The following CLVS1 variants were observed in gnomAD, a reference collection of about 807,000 sequenced individuals.
CLVS1 encodes clavesin 1.
In CLVS1, 10 loss-of-function variants were observed where a neutral mutation model predicts 33.1. The ratio of observed to expected loss-of-function variants is 0.30; its 90% confidence interval spans 0.19 to 0.51. CLVS1 has a LOEUF of 0.51. CLVS1 is among the 20% of genes least tolerant of loss of function. The pLI, the probability that CLVS1 is intolerant of heterozygous loss-of-function variation, is 0.97. For missense variants in CLVS1, 343 were observed against 433.4 expected (o/e 0.79, Z 1.85); for synonymous variants, 163 against 166.1 (o/e 0.98, Z 0.14).
At chr8:61,111,332 CTCCAAAAGGAGGAAGAGAA>C (rs1805625239) in intron 1 of CLVS1, among the ~76,000 whole-genome samples, 3 of 152,118 alleles carry the variant, frequency 2.0e-5, no homozygotes, top group Admixed American at 1.3e-4. Context: ...GGTCTTCTTC[CTCCAAAAGGAGGAAGAGAA>C]GGGTGTCATT....
chr8:61,343,153 G>A (rs144556376), intron 2 of CLVS1, among the ~76,000 whole-genome samples: 14 of 152,314 alleles, frequency 9.2e-5, no homozygotes, highest in Admixed American at 3.9e-4. Flanking sequence ...GCATGATTCT[G>A]TTAAAATACA....
chr8:61,105,848 T>C (rs905734606), intron 1 of CLVS1, among the ~76,000 whole-genome samples: 7 of 152,078 alleles, frequency 4.6e-5, no homozygotes, highest in Non-Finnish European at 8.8e-5. Flanking sequence ...AAACTTGTCA[T>C]GGACTGCAAC....
intron 2 of CLVS1, among the ~76,000 whole-genome samples, chr8:61,323,039 G>T (rs145246800): frequency 1.0e-3 from 155 of 152,148 alleles, no homozygotes; most frequent in African/African-American, 3.5e-3. Context: ...TAAGGAACAC[G>T]AACTGTCTCA....
the CLVS1 span, among the ~76,000 whole-genome samples, chr8:60,969,518 G>A: frequency 3.3e-5 from 5 of 152,192 alleles, no homozygotes; most frequent in Admixed American, 6.5e-5. Context: ...TGTCTAAACC[G>A]TAAAAGAAAG....
chr8:61,456,917 C>CAA (rs764079859), intron 4 of CLVS1, among the ~76,000 whole-genome samples: 172 of 124,264 alleles, frequency 1.4e-3, no homozygotes, highest in African/African-American at 4.7e-3. Context: ...GACTCCGTCT[C>CAA]AAAAAAAAAA....
chr8:61,049,645 CCAAAGACACATAGATAGAGGCCG>C, the CLVS1 span, among the ~76,000 whole-genome samples: 1 of 152,188 alleles, frequency 6.6e-6, no homozygotes, highest in African/African-American at 2.4e-5. Context: ...GATAGAAGCC[CCAAAGACACATAGATAGAGGCCG>C]CAAAGACACA....
chr8:61,268,536 A>G (rs1809361261), intron 2 of CLVS1, among the ~76,000 whole-genome samples: 1 of 147,946 alleles, frequency 6.8e-6, no homozygotes, highest in African/African-American at 2.5e-5. Flanking sequence ...ATACCCAGTA[A>G]TGGGATGGCT....
chr8:61,342,478 C>T (rs868088841), intron 2 of CLVS1, among the ~76,000 whole-genome samples: 3 of 152,290 alleles, frequency 2.0e-5, no homozygotes, highest in South Asian at 2.1e-4. Context: ...CTATCTTGCG[C>T]GCCATTCCGC....
chr8:61,249,200 T>G (rs1808882306), intron 2 of CLVS1, among the ~76,000 whole-genome samples: 1 of 152,170 alleles, frequency 6.6e-6, no homozygotes, highest in Non-Finnish European at 1.5e-5. Flanking sequence ...GTTAATTTGC[T>G]GAGAATTATG....
Position 61,096,919 on chromosome 8 carries a change from C to T in CLVS1, c.-242-34851C>T, listed in dbSNP as rs141053507. 2.2e-4 allele frequency among the ~76,000 whole-genome samples: 33 copies of T among 152,238 alleles called. 2 individuals carry two copies. In the East Asian group the frequency reaches 5.8e-3, roughly 27 times the overall value. ...TCACTGTTGTCCTCTCCACTAGCAT[C>T]GTATTGTTTTTCAGCATCTGTAGCA... On this transcript the variant is annotated intron_variant, in intron 1 of 2. Transcript: ENST00000522621.
intron 2 of CLVS1, among the ~76,000 whole-genome samples, chr8:61,235,322 G>A (rs1808532821): frequency 6.6e-6 from 1 of 152,200 alleles, no homozygotes; most frequent in African/African-American, 2.4e-5. Flanking sequence ...GCAAATTGCA[G>A]AGGACTCCAG....
intron 2 of CLVS1, among the ~76,000 whole-genome samples, chr8:61,341,110 G>T (rs1487373929): frequency 6.6e-6 from 1 of 152,186 alleles, no homozygotes; most frequent in Non-Finnish European, 1.5e-5. Flanking sequence ...GCACTGAAAA[G>T]AATAAATTAT....
chr8:61,099,207 C>T (rs763871846), intron 1 of CLVS1, among the ~76,000 whole-genome samples: 8 of 152,020 alleles, frequency 5.3e-5, no homozygotes, highest in Non-Finnish European at 7.4e-5. Context: ...ACGTCATTGT[C>T]GTTTTAGTGG....
intron 3 of CLVS1, among the ~76,000 whole-genome samples, chr8:61,440,261 A>T (rs1816490702): frequency 6.6e-6 from 1 of 152,256 alleles, no homozygotes; most frequent in African/African-American, 2.4e-5. Context: ...CTATAATGTT[A>T]TCAAGAGCAT....
intron 2 of CLVS1, among the ~76,000 whole-genome samples, chr8:61,347,660 ATATATATATATATATATAT>A (rs1812273630): frequency 8.8e-6 from 1 of 114,202 alleles, no homozygotes; most frequent in East Asian, 2.6e-4. Context: ...ATATATATAT[ATATATATATATATATATAT>A]ATATCCTGAA....
chr8:61,287,892 A>C (rs188139656), upstream of CLVS1: 9 of 345,564 alleles, frequency 2.6e-5, no homozygotes, highest in Non-Finnish European at 5.1e-5. Flanking sequence ...GGAACCAGGG[A>C]GGGTTGTGGT....
intron 2 of CLVS1, among the ~76,000 whole-genome samples, chr8:61,247,723 AT>A (rs1808846717): frequency 6.6e-6 from 1 of 151,940 alleles, no homozygotes; most frequent in Admixed American, 6.6e-5. Flanking sequence ...GTTTGCAAAA[AT>A]TTTCTCCCAT....
intron 2 of CLVS1, among the ~76,000 whole-genome samples, chr8:61,312,619 G>A (rs1440345260): frequency 6.6e-6 from 1 of 152,110 alleles, no homozygotes; most frequent in Non-Finnish European, 1.5e-5. Flanking sequence ...AATAACAGCA[G>A]TGCCTTTCTG....
chr8:61,434,363 C>T (rs1024339264), intron 3 of CLVS1, among the ~76,000 whole-genome samples: 9 of 152,108 alleles, frequency 5.9e-5, no homozygotes, highest in South Asian at 2.1e-4. Flanking sequence ...AAACAGTGAG[C>T]GCCAACTGTC....
Sources: gnomAD v4.1 joint callset for allele counts (sites outside exome capture counted in the v4.1 genomes callset) on GRCh38, gnomAD v4.1.1 for gene constraint, MANE v1.5 for transcripts, NCBI Gene and HGNC (gene_info 2026-07-23, HGNC 2026-07-21) for gene names.